CDK8: variants seen among roughly 807,000 people sequenced by gnomAD.
CDK8 encodes the protein cyclin dependent kinase 8.
CDK8 carries 29 observed loss-of-function variants against 71.5 expected under a neutral mutation model. The ratio of observed to expected loss-of-function variants is 0.41; its 90% confidence interval spans 0.30 to 0.55. CDK8 has a LOEUF of 0.55. Ranked by LOEUF, CDK8 falls within the 20% of genes least tolerant of loss-of-function variation. The pLI is 0.37. For missense variants in CDK8, 288 were observed against 572.6 expected, an observed-to-expected ratio of 0.50 and a Z score of 5.07; for synonymous variants, 161 against 192.1, an observed-to-expected ratio of 0.84 and a Z score of 1.34.
intron 1 of CDK8, among the ~76,000 whole-genome samples, chr13:26,266,906 C>G (rs1024017960): frequency 2.0e-5 from 3 of 152,036 alleles, no homozygotes. Context: ...AAAATAATGA[C>G]TCTTCATTGT....
intron 2 of CDK8, among the ~76,000 whole-genome samples, chr13:26,341,149 CAG>C (rs1189856823): frequency 3.3e-5 from 5 of 152,186 alleles, no homozygotes. Flanking sequence ...TTTTTTGTGA[CAG>C]AGTCTTGCTC....
intron 4 of CDK8, among the ~76,000 whole-genome samples, chr13:26,361,783 C>CT (rs1201582663): frequency 1.8e-5 from 2 of 112,226 alleles, no homozygotes; most frequent in Admixed American, 1.0e-4. Context: ...TTTTCTTTTC[C>CT]CTTTTTTTTT....
chr13:26,343,755 T>G (rs1223822297), intron 2 of CDK8, among the ~76,000 whole-genome samples: 1 of 152,230 alleles, frequency 6.6e-6, no homozygotes, highest in Non-Finnish European at 1.5e-5. Flanking sequence ...CTTTCTTCAA[T>G]TAACCTTAGT....
intron 1 of CDK8, among the ~76,000 whole-genome samples, chr13:26,303,502 A>G (rs150594915): frequency 2.0e-5 from 3 of 152,258 alleles, no homozygotes; most frequent in Non-Finnish European, 4.4e-5. Context: ...GGGTTTTACC[A>G]TGTTGGGCAG....
At chr13:26,269,783 GTTT>G (rs1348925361) in intron 1 of CDK8, among the ~76,000 whole-genome samples, 1 of 151,894 alleles carries the variant, frequency 6.6e-6, no homozygotes, top group Non-Finnish European at 1.5e-5. Flanking sequence ...GTGCAATTAG[GTTT>G]TTTTCTTAGT....
chr13:26,278,125 C>T (rs1227681225), intron 1 of CDK8, among the ~76,000 whole-genome samples: 1 of 152,162 alleles, frequency 6.6e-6, no homozygotes, highest in African/African-American at 2.4e-5. Flanking sequence ...GGAAGAAATT[C>T]AAGTAGTGGA....
chr13:26,324,810 A>G lies in CDK8; in HGVS notation c.129-12757A>G. 5.6e-6 allele frequency: 5 copies of G among 893,276 alleles called. No homozygotes were observed. The East Asian group carries it at 4.8e-4, about 85-fold the overall frequency. The allele number at this position is 893,276 out of a possible 1,614,324, so 55.3% of individuals were successfully genotyped here. The stretch of plus-strand genomic sequence containing the variant: ...AATGACTTTGGGAAGATAATTTAAG[A>G]AAGACTGATTGGTAAGTAATTTAAT... On this transcript the variant is annotated intron_variant, in intron 1 of 12. Coordinates refer to ENST00000381527, the MANE Select transcript of CDK8 (RefSeq NM_001260.3).
At chr13:26,257,646 T>C (rs1341759205) in intron 1 of CDK8, among the ~76,000 whole-genome samples, 2 of 152,114 alleles carry the variant, frequency 1.3e-5, no homozygotes, top group East Asian at 1.9e-4. Flanking sequence ...CTTTGCAGAG[T>C]TTAGGCAACC....
chr13:26,352,492 A>G (rs765934746), intron 3 of CDK8, among the ~76,000 whole-genome samples: 3 of 152,232 alleles, frequency 2.0e-5, no homozygotes, highest in Non-Finnish European at 4.4e-5. Context: ...CTGGGATTAC[A>G]GGCGTGAGCC....
At chr13:26,353,031 A>G (rs1873747426) in intron 3 of CDK8, among the ~76,000 whole-genome samples, 1 of 152,206 alleles carries the variant, frequency 6.6e-6, no homozygotes, top group Non-Finnish European at 1.5e-5. Flanking sequence ...TTTTCCTGCA[A>G]TTTAAGAGTG....
intron 7 of CDK8, 94 bp downstream of exon 7, chr13:26,393,604 A>G (rs1342559531): frequency 4.0e-6 from 5 of 1,255,316 alleles, no homozygotes; most frequent in African/African-American, 1.6e-5. Context: ...AGCTGATGGA[A>G]GCTACTTTTA....
At chr13:26,256,724 A>G (rs1036828370) in intron 1 of CDK8, among the ~76,000 whole-genome samples, 2 of 152,182 alleles carry the variant, frequency 1.3e-5, no homozygotes, top group African/African-American at 2.4e-5. Flanking sequence ...TAATGTATGG[A>G]CATTCTTAGT....
intron 4 of CDK8, among the ~76,000 whole-genome samples, chr13:26,378,935 T>C (rs1461111852): frequency 1.3e-5 from 2 of 152,218 alleles, no homozygotes; most frequent in Non-Finnish European, 2.9e-5. Context: ...ACAAAAATTA[T>C]TCATCAAGTC....
At chr13:26,363,966 T>C (rs1306355645) in intron 4 of CDK8, among the ~76,000 whole-genome samples, 1 of 152,204 alleles carries the variant, frequency 6.6e-6, no homozygotes, top group Non-Finnish European at 1.5e-5. Context: ...AAACACCTAA[T>C]GTGTTTTACT....
intron 4 of CDK8, among the ~76,000 whole-genome samples, chr13:26,378,536 T>A (rs1228875056): frequency 6.6e-6 from 1 of 152,226 alleles, no homozygotes; most frequent in East Asian, 1.9e-4. Context: ...ATTTTTCAGA[T>A]GGCAATCAAG....
At chr13:26,298,670 G>T (rs1873677231) in intron 1 of CDK8, among the ~76,000 whole-genome samples, 1 of 152,162 alleles carries the variant, frequency 6.6e-6, no homozygotes, top group Admixed American at 6.5e-5. Context: ...CAGGGGATTA[G>T]TTGTGCGAAA....
chr13:26,368,232 A>G (rs530219423), intron 4 of CDK8, among the ~76,000 whole-genome samples: 3 of 152,190 alleles, frequency 2.0e-5, no homozygotes, highest in African/African-American at 7.2e-5. Flanking sequence ...CACTACTCTA[A>G]TTCAGGCCAC....
At position 26,404,120 on chromosome 13, in the gene CDK8, T is replaced by C; in HGVS notation, c.*39T>C. The C allele has an allele frequency of 6.2e-7, 1 of 1,610,304 alleles. No individual in the cohort carries two copies. The highest frequency in any genetic ancestry group is 8.5e-7 in the Non-Finnish European group (1 of 1,177,870). On this transcript the variant is annotated 3_prime_UTR_variant, in exon 13 of 13. Coordinates refer to ENST00000381527, the MANE Select transcript of CDK8 (RefSeq NM_001260.3). ...CTTGTCCATGCACTGTTGCGAATGC[T>C]GCAGGGCTGACTGTGCAGCTCTCTG... is the stretch of plus-strand genomic sequence containing the variant.
intron 4 of CDK8, among the ~76,000 whole-genome samples, chr13:26,357,542 T>C (rs1475316213): frequency 1.3e-5 from 2 of 152,200 alleles, no homozygotes; most frequent in Non-Finnish European, 2.9e-5. Context: ...CTTTCTCTCC[T>C]TGGGAAGGGA....
Sources: allele counts gnomAD v4.1 joint callset (sites outside exome capture counted in the v4.1 genomes callset), GRCh38; gene constraint gnomAD v4.1.1; transcripts MANE v1.5; gene names NCBI Gene and HGNC (gene_info 2026-07-23, HGNC 2026-07-21).